Variants in HERC1 observed in about 807,000 individuals in gnomAD.
The protein encoded by HERC1 is probable E3 ubiquitin-protein ligase HERC1.
HERC1 carries 160 observed loss-of-function variants against 554.3 expected under a neutral mutation model. The observed-to-expected ratio is 0.29, with a 90% CI of 0.25 to 0.33. HERC1 has a LOEUF of 0.33. Ranked by LOEUF, HERC1 falls within the 10% of genes least tolerant of loss-of-function variation. The probability of loss-of-function intolerance (pLI) is 1.00; values close to 1 mark genes in which losing one functional copy is unlikely to be tolerated. For missense variants in HERC1, 4,919 were observed against 5,918.5 expected (o/e 0.83, Z 5.54); for synonymous variants, 2,175 against 2,131.7 (o/e 1.02, Z -0.56).
Position 63,654,238 on chromosome 15 carries a change from G to C in HERC1, c.10171C>G (p.Leu3391Val). 6.2e-7 allele frequency: 1 copy of C among 1,614,032 alleles called. No homozygotes were observed. The highest frequency in any genetic ancestry group is 8.5e-7 in the Non-Finnish European group (1 of 1,179,878). The stretch of plus-strand genomic sequence containing the variant: ...TCGTGTGCAGCAAGAGTGCGCACGA[G>C]TTGCTGAGCTGCCCATTGCCGATGC... ...SQHRQWAAQQ[L>V]VRTLAAHDRD... Residue 3391 changes from leucine (L) to valine (V), a missense_variant, in exon 51 of 78, where the codon CTC becomes GTC. Leu to Val is a conservative substitution (Grantham distance 32). Around this residue, in one of 11 missense-constraint regions of HERC1, gnomAD observed 1,963 missense variants for 2,228.6 expected, o/e 0.88. Transcript: ENST00000443617.
chr15:63,676,048 C>T (rs1390304106), intron 37 of HERC1, among the ~76,000 whole-genome samples: 1 of 151,962 alleles, frequency 6.6e-6, no homozygotes, highest in Non-Finnish European at 1.5e-5. Context: ...GGATTACAGG[C>T]GCACGCCACT....
At chr15:63,712,702 C>A in intron 24 of HERC1, 73 bp downstream of exon 24, 1 of 1,394,826 alleles carries the variant, frequency 7.2e-7, no homozygotes, top group Non-Finnish European at 9.8e-7. Context: ...ATATTACTTA[C>A]TCTAACCAAA....
At chr15:63,796,560 G>A (rs553720014) in intron 1 of HERC1, among the ~76,000 whole-genome samples, 8 of 152,184 alleles carry the variant, frequency 5.3e-5, no homozygotes, top group Non-Finnish European at 8.8e-5. Flanking sequence ...ATTTTGCCAA[G>A]GTTAAGGACA....
chr15:63,770,926 C>T (rs766787356), intron 2 of HERC1, among the ~76,000 whole-genome samples: 12 of 152,168 alleles, frequency 7.9e-5, no homozygotes, highest in Admixed American at 3.3e-4. Context: ...CGGTGGCTCA[C>T]GCCTGTAATC....
At position 63,678,670 on chromosome 15, in the gene HERC1, G is replaced by A. The variant is rs188892151; in HGVS notation, c.6550-305C>T. Among the ~76,000 whole-genome samples, 413 of 152,258 alleles carry A rather than the reference G, an allele frequency of 2.7e-3. 1 individual carries two copies. The highest frequency in any genetic ancestry group is 9.3e-3 in the African/African-American group (388 of 41,540). On this transcript the variant is annotated intron_variant, in intron 36 of 77. Coordinates refer to ENST00000443617, the MANE Select transcript of HERC1 (RefSeq NM_003922.4). ...AGCCGTATATGACTGACTCAATTTAGTCTAAAATAAGCCTTAAGGATATAC... is the reference window on the plus strand; with the variant it reads ...AGCCGTATATGACTGACTCAATTTAATCTAAAATAAGCCTTAAGGATATAC...
intron 48 of HERC1, among the ~76,000 whole-genome samples, chr15:63,657,618 G>T (rs1293541423): frequency 1.3e-5 from 2 of 152,022 alleles, no homozygotes; most frequent in African/African-American, 2.4e-5. Flanking sequence ...GCTAAACAGA[G>T]GTTTTCTATT....
intron 3 of HERC1, among the ~76,000 whole-genome samples, chr15:63,759,056 G>T (rs2075523393): frequency 6.6e-6 from 1 of 152,020 alleles, no homozygotes; most frequent in African/African-American, 2.4e-5. Flanking sequence ...AGGGCATTTA[G>T]AGTCTATTTA....
At chr15:63,635,416 A>G (rs1566959071) in intron 65 of HERC1, among the ~76,000 whole-genome samples, 1 of 152,208 alleles carries the variant, frequency 6.6e-6, no homozygotes, top group Non-Finnish European at 1.5e-5. Context: ...CAACAGCCTC[A>G]GGAAGCCCAA....
chr15:63,738,414 A>G (rs2074638227), intron 12 of HERC1, among the ~76,000 whole-genome samples: 1 of 152,242 alleles, frequency 6.6e-6, no homozygotes, highest in African/African-American at 2.4e-5. Flanking sequence ...ACTTAATAGT[A>G]TTAAACCAAT....
intron 25 of HERC1, among the ~76,000 whole-genome samples, chr15:63,705,210 G>A (rs1019185551): frequency 4.6e-5 from 7 of 151,946 alleles, no homozygotes; most frequent in Admixed American, 3.3e-4. Context: ...CTGGAGTGCA[G>A]TGGCATGATC....
intron 42 of HERC1, among the ~76,000 whole-genome samples, chr15:63,665,078 G>A (rs1366056321): frequency 6.6e-6 from 1 of 151,862 alleles, no homozygotes; most frequent in African/African-American, 2.4e-5. Flanking sequence ...AAGTGATGAA[G>A]GAAAAAAGAT....
chr15:63,771,540 C>G (rs2075956916), intron 2 of HERC1, among the ~76,000 whole-genome samples: 1 of 150,618 alleles, frequency 6.6e-6, no homozygotes, highest in South Asian at 2.1e-4. Flanking sequence ...AAGCGATTCT[C>G]CCTGCCTCAG....
intron 12 of HERC1, among the ~76,000 whole-genome samples, chr15:63,737,534 TATATATATATATA>T (rs2074593148): frequency 2.5e-5 from 3 of 122,112 alleles, no homozygotes; most frequent in Non-Finnish European, 5.1e-5. Context: ...TATATATATA[TATATATATATATA>T]TCTTTTTTTT....
At position 63,686,347 on chromosome 15, in the gene HERC1, T is replaced by C. The variant is rs746357766; in HGVS notation, c.6225+12A>G. ...AGACAAAATGCTAAAAACTATTAGA[T>C]TTTCTACGTACCTTCCACTGATAGC... On this transcript the variant is annotated intron_variant, in intron 34 of 77. Coordinates refer to ENST00000443617, the MANE Select transcript of HERC1 (RefSeq NM_003922.4). The C allele has an allele frequency of 1.1e-5, 18 of 1,567,470 alleles. No homozygotes were observed. The highest frequency in any genetic ancestry group is 2.8e-5 in the African/African-American group (2 of 72,610).
At chr15:63,630,968 C>T (rs1190108581) in intron 68 of HERC1, among the ~76,000 whole-genome samples, 2 of 152,118 alleles carry the variant, frequency 1.3e-5, no homozygotes, top group Non-Finnish European at 2.9e-5. Flanking sequence ...AGTTCAGGCC[C>T]TCAAGTTTCT....
Position 63,669,652 on chromosome 15 carries a change from G to A in HERC1, c.8092C>T (p.Arg2698Trp), listed in dbSNP as rs749338896. Residue 2698 changes from arginine to tryptophan, a missense_variant, in exon 40 of 78, where the codon CGG becomes TGG. By Grantham distance (101) the Arg-to-Trp change is moderately radical (BLOSUM62 -3). Transcript: ENST00000443617. Reference protein sequence around the residue: ...YPTTTVLPTRRAQTPPISSLP... With the variant: ...YPTTTVLPTRWAQTPPISSLP... ...GAAGATATTGGAGGAGTCTGTGCCC[G>A]ACGTGTGGGAAGTACAGTGGTAGTT... 6 of 1,613,788 alleles carry A rather than the reference G, an allele frequency of 3.7e-6. No homozygotes were observed. The highest frequency in any genetic ancestry group is 2.2e-5 in the East Asian group (1 of 44,896).
intron 74 of HERC1, 49 bp from the exon 75 acceptor site, chr15:63,616,731 T>C (rs750113831): frequency 2.6e-6 from 4 of 1,556,396 alleles, no homozygotes; most frequent in Non-Finnish European, 2.6e-6. Context: ...TTATTTCTAT[T>C]AGAAATAAGT....
intron 19 of HERC1, among the ~76,000 whole-genome samples, chr15:63,722,640 TCA>T (rs2073870471): frequency 6.6e-6 from 1 of 152,220 alleles, no homozygotes; most frequent in African/African-American, 2.4e-5. Context: ...TGCTGCGGTA[TCA>T]CAGTGATTGT....
chr15:63,632,557 A>G, intron 68 of HERC1, 152 bp downstream of exon 68: 1 of 695,304 alleles, frequency 1.4e-6, no homozygotes. Flanking sequence ...ATGAAAGAGA[A>G]GTGGAAAATT....
Sources: gnomAD v4.1 joint callset for allele counts (sites outside exome capture counted in the v4.1 genomes callset) on GRCh38, gnomAD v4.1.1 for gene constraint, gnomAD v4.1.1 regional missense constraint, MANE v1.5 for transcripts, NCBI Gene and HGNC (gene_info 2026-07-23, HGNC 2026-07-21) for gene names.